TASOR: variants seen among roughly 807,000 people sequenced by gnomAD.
TASOR encodes the protein transcription activation suppressor.
In TASOR, 53 loss-of-function variants were observed where a neutral mutation model predicts 178.6. The observed-to-expected ratio is 0.30, with a 90% CI of 0.24 to 0.37. The LOEUF is 0.37. Ranked by LOEUF, TASOR falls within the 10% of genes least tolerant of loss-of-function variation. The probability of loss-of-function intolerance (pLI) is 1.00; values close to 1 mark genes in which losing one functional copy is unlikely to be tolerated. For synonymous variants in TASOR, 713 were observed against 696.2 expected (o/e 1.02, Z -0.38); for missense variants, 1,815 against 1,971.4 (o/e 0.92, Z 1.50).
At chr3:56,658,301 T>C (rs1306474495) in intron 11 of TASOR, among the ~76,000 whole-genome samples, 1 of 152,202 alleles carries the variant, frequency 6.6e-6, no homozygotes, top group Non-Finnish European at 1.5e-5. Context: ...ATTAACATAA[T>C]GTAATACTTG....
chr3:56,669,001 G>A (rs1206120800), intron 5 of TASOR, among the ~76,000 whole-genome samples: 1 of 150,096 alleles, frequency 6.7e-6, no homozygotes, highest in Non-Finnish European at 1.5e-5. Context: ...ATATCTCATA[G>A]AACACTTTTA....
Position 56,633,257 on chromosome 3 carries a change from T to TAC in TASOR, c.3532_3533dup (p.Pro1179TyrfsTer10). On this transcript the variant is annotated frameshift_variant, in exon 18 of 24. Coordinates refer to ENST00000683822, the MANE Select transcript of TASOR (RefSeq NM_001365635.2). LOFTEE classifies it high-confidence loss of function. ...CTGGTTCCCGGGCCATATCACCAGG[T>TAC]ACAATATGATCAGAAGTCACCATTA... 6.2e-7 allele frequency: 1 copy of TAC among 1,614,154 alleles called. No homozygotes were observed. The highest frequency in any genetic ancestry group is 8.5e-7 in the Non-Finnish European group (1 of 1,180,024).
intron 1 of TASOR, among the ~76,000 whole-genome samples, chr3:56,681,753 T>C (rs140880958): frequency 4.5e-4 from 68 of 152,244 alleles, no homozygotes; most frequent in African/African-American, 1.6e-3. Flanking sequence ...AATACCCCAA[T>C]AACAAAAAAC....
chr3:56,659,909 T>C (rs1045295080), intron 11 of TASOR, among the ~76,000 whole-genome samples: 1 of 151,940 alleles, frequency 6.6e-6, no homozygotes, highest in Non-Finnish European at 1.5e-5. Context: ...AGTCTCGCTT[T>C]TGTCACTCAG....
intron 1 of TASOR, among the ~76,000 whole-genome samples, chr3:56,677,740 C>G (rs7641898): frequency 0.19 from 28,162 of 152,084 alleles, 3,438 homozygotes; most frequent in South Asian, 0.41. Context: ...CAAAGAATTT[C>G]GTTCTAATAC....
chr3:56,633,665 T>G lies in TASOR; in HGVS notation c.3126A>C (p.Ser1042=). 4 of 1,614,144 alleles carry G rather than the reference T, an allele frequency of 2.5e-6. No individual in the cohort carries two copies. Among genetic ancestry groups the G allele is most frequent in the Non-Finnish European group, 3.4e-6 (4 of 1,180,016 alleles). ...IEEILKQKNV[S]YVSTVSTPIF... is the part of the protein sequence containing the mutation. ...TAGGTGTGGAAACTGTACTGACATA[T>G]GAAACATTCTTTTGCTTCAAAATCT... Residue 1042 remains serine (S), a synonymous_variant, in exon 18 of 24, where the codon TCA becomes TCC. Coordinates refer to ENST00000683822, the MANE Select transcript of TASOR (RefSeq NM_001365635.2).
Position 56,671,581 on chromosome 3 carries a change from A to T in TASOR, c.570+19T>A. On this transcript the variant is annotated intron_variant, in intron 3 of 23. Coordinates refer to ENST00000683822, the MANE Select transcript of TASOR (RefSeq NM_001365635.2). ...TGGAAACATCCCCAAATTGTTTTTT[A>T]TAAAATGCGTTAACTCACCTGGTAT... 1 of 1,516,292 alleles carries T rather than the reference A, an allele frequency of 6.6e-7. No individual in the cohort carries two copies. The highest frequency in any genetic ancestry group is 1.3e-5 in the South Asian group (1 of 78,442). 93.9% of individuals were successfully genotyped at this position (1,516,292 alleles called of 1,614,324 possible).
rs757504512 is a variant in TASOR, at chr3:56,633,057, C to T, written c.3734G>A (p.Cys1245Tyr). Residue 1245 changes from cysteine (C) to tyrosine (Y), a missense_variant, in exon 18 of 24, where the codon TGT becomes TAT. Coordinates refer to ENST00000683822, the MANE Select transcript of TASOR (RefSeq NM_001365635.2). ...YIHEEEESVL[C>Y]KEIKEYLIKL... Reference sequence around the variant, plus strand: ...TGGTTTAGTTACCTTTATTTCTTTACAGAGCACACTCTCTTCTTCTTCATG... The same window carrying T: ...TGGTTTAGTTACCTTTATTTCTTTATAGAGCACACTCTCTTCTTCTTCATG... 2 of 1,583,492 alleles carry T rather than the reference C, an allele frequency of 1.3e-6. No individual in the cohort carries two copies. The highest frequency in any genetic ancestry group is 2.4e-5 in the South Asian group (2 of 84,984).
intron 21 of TASOR, among the ~76,000 whole-genome samples, chr3:56,625,992 T>C (rs2076791121): frequency 6.6e-6 from 1 of 152,196 alleles, no homozygotes; most frequent in Non-Finnish European, 1.5e-5. Context: ...AGTGAATTGC[T>C]ACAATGAATT....
chr3:56,656,954 G>T (rs2077483895), intron 11 of TASOR, among the ~76,000 whole-genome samples: 1 of 151,162 alleles, frequency 6.6e-6, no homozygotes, highest in Non-Finnish European at 1.5e-5. Flanking sequence ...AGGTTGCGGT[G>T]AGCCGAGATT....
chr3:56,621,584 A>AAAATCAAGAAGAGAGTTTT lies in TASOR; in HGVS notation c.*1434_*1452dup. ...GAAAGTAGTCTCCTGCCTTTAGCTG[A>AAAATCAAGAAGAGAGTTTT]AAATCAAGAAGAGAGTTTTGGTTCT... On this transcript the variant is annotated 3_prime_UTR_variant, in exon 24 of 24. Coordinates refer to ENST00000683822, the MANE Select transcript of TASOR (RefSeq NM_001365635.2). The AAAATCAAGAAGAGAGTTTT allele has an allele frequency of 6.2e-7, 1 of 1,601,416 alleles. No individual in the cohort carries two copies. The highest frequency in any genetic ancestry group is 8.5e-7 in the Non-Finnish European group (1 of 1,174,466).
chr3:56,625,639 C>G (rs2076780982), intron 21 of TASOR, among the ~76,000 whole-genome samples: 1 of 152,122 alleles, frequency 6.6e-6, no homozygotes, highest in Non-Finnish European at 1.5e-5. Context: ...AAGAACGAAA[C>G]TCTGTCTTAA....
chr3:56,661,210 G>C (rs116961310), intron 9 of TASOR, among the ~76,000 whole-genome samples, 193 bp from the exon 10 acceptor site: 1 of 152,118 alleles, frequency 6.6e-6, no homozygotes, highest in African/African-American at 2.4e-5. Flanking sequence ...GCAGTGGTGC[G>C]ATCACAGCTC....
intron 6 of TASOR, 139 bp downstream of exon 6, chr3:56,668,258 A>G: frequency 1.4e-6 from 1 of 723,700 alleles, no homozygotes; most frequent in Admixed American, 3.0e-5. Context: ...AGCAACAGAC[A>G]CTGGAGTCTG....
intron 1 of TASOR, among the ~76,000 whole-genome samples, 187 bp from the exon 2 acceptor site, chr3:56,673,912 C>T (rs1055434412): frequency 7.2e-5 from 11 of 152,100 alleles, no homozygotes; most frequent in African/African-American, 2.7e-4. Flanking sequence ...TAGTTGCCTA[C>T]ATACACCAGT....
chr3:56,638,960 A>G (rs1300778471), intron 16 of TASOR, among the ~76,000 whole-genome samples, 195 bp from the exon 17 acceptor site: 3 of 152,202 alleles, frequency 2.0e-5, no homozygotes, highest in African/African-American at 4.8e-5. Flanking sequence ...CCAAGTATGA[A>G]GGTGTCTAAA....
At chr3:56,641,962 T>C (rs770017287) in intron 14 of TASOR, among the ~76,000 whole-genome samples, 8 of 152,230 alleles carry the variant, frequency 5.3e-5, no homozygotes, top group Non-Finnish European at 8.8e-5. Context: ...TTAATTTCCA[T>C]TGTAATTTAA....
chr3:56,626,967 G>A, intron 21 of TASOR, 70 bp downstream of exon 21: 1 of 959,380 alleles, frequency 1.0e-6, no homozygotes, highest in Non-Finnish European at 1.6e-6. Context: ...TACAAACATG[G>A]GAAGAGAGAA....
At chr3:56,648,065 C>G (rs7642389) in intron 13 of TASOR, among the ~76,000 whole-genome samples, 93,749 of 152,014 alleles carry the variant, frequency 0.62, 31,520 homozygotes, top group East Asian at 0.96. Context: ...ACTTAGCTAG[C>G]TGTGCTGGCG....
Sources: gnomAD v4.1 joint callset for allele counts (sites outside exome capture counted in the v4.1 genomes callset) on GRCh38, gnomAD v4.1.1 for gene constraint, MANE v1.5 for transcripts, NCBI Gene and HGNC (gene_info 2026-07-23, HGNC 2026-07-21) for gene names.